AKT3: variants seen among roughly 807,000 people sequenced by gnomAD.
AKT3 encodes the protein AKT serine/threonine kinase 3.
A neutral mutation model predicts 65.3 loss-of-function variants in AKT3; 15 were observed. That is an observed-to-expected ratio of 0.23 (90% CI 0.15 to 0.35). The LOEUF is 0.35. AKT3 is among the 10% of genes least tolerant of loss of function. The pLI, the probability that AKT3 is intolerant of heterozygous loss-of-function variation, is 1.00. For missense variants in AKT3, 243 were observed against 576.5 expected (o/e 0.42, Z 5.92); for synonymous variants, 206 against 183.8 (o/e 1.12, Z -0.98).
At chr1:243,641,063 C>G (rs1002934771) in intron 5 of AKT3, among the ~76,000 whole-genome samples, 4 of 151,982 alleles carry the variant, frequency 2.6e-5, no homozygotes, top group Non-Finnish European at 4.4e-5. Context: ...CATGAAAAGG[C>G]TAGACTGGCT....
At chr1:243,488,259 G>A (rs1260146883) in exon 14 of AKT3, 1 of 152,430 alleles carries the variant, frequency 6.6e-6, no homozygotes, top group Non-Finnish European at 1.5e-5. Context: ...AATGCACCTT[G>A]AGCTTTAATG....
chr1:243,619,435 ACTAT>A (rs1678577545), intron 6 of AKT3, among the ~76,000 whole-genome samples: 1 of 102,894 alleles, frequency 9.7e-6, no homozygotes, highest in Non-Finnish European at 2.7e-5. Flanking sequence ...GCCCTACTGA[ACTAT>A]CTAACACTAG....
At chr1:243,788,937 G>A (rs1378991713) in intron 2 of AKT3, 1 of 154,954 alleles carries the variant, frequency 6.5e-6, no homozygotes, top group African/African-American at 2.4e-5. Flanking sequence ...CAAAATTTGA[G>A]TTAATCCTCT....
intron 2 of AKT3, among the ~76,000 whole-genome samples, chr1:243,728,097 TGACTA>T (rs543628165): frequency 3.9e-5 from 6 of 152,170 alleles, no homozygotes; most frequent in Non-Finnish European, 7.4e-5. Context: ...TAACATGACT[TGACTA>T]TTCAGGGAGA....
At chr1:243,489,274 A>G (rs1574374840) in intron 13 of AKT3, 16 of 1,243,744 alleles carry the variant, frequency 1.3e-5, no homozygotes, top group African/African-American at 4.5e-5. Flanking sequence ...GGTCCCGAAG[A>G]CTGTGCTGGG....
intron 2 of AKT3, among the ~76,000 whole-genome samples, chr1:243,760,761 T>G (rs1689443969): frequency 6.6e-6 from 1 of 152,154 alleles, no homozygotes; most frequent in Non-Finnish European, 1.5e-5. Context: ...TTAATGGCCC[T>G]CATGTATAGT....
Position 243,581,561 on chromosome 1 carries a change from T to C in AKT3, c.697-8513A>G, listed in dbSNP as rs114621025. ...AGGGAAAGGAGAAAAAAATATATAA[T>C]AACATTATAGGGAAAGAAAAAGAAA... On this transcript the variant is annotated intron_variant, in intron 8 of 13. Transcript: ENST00000673466. 5.8e-3 allele frequency among the ~76,000 whole-genome samples: 881 copies of C among 151,828 alleles called. 12 individuals are homozygous for C. Among genetic ancestry groups the C allele is most frequent in the African/African-American group, 0.02 (829 of 41,400 alleles).
chr1:243,613,697 C>G lies in AKT3; in HGVS notation c.670G>C (p.Val224Leu). The G allele has an allele frequency of 1.3e-6, 2 of 1,591,702 alleles. No homozygotes were observed. The highest frequency in any genetic ancestry group is 1.7e-6 in the Non-Finnish European group (2 of 1,167,882). The change falls in exon 8 of 14, where the codon GTG (valine) becomes CTG (leucine). Residue 224 changes from valine to leucine, a missense_variant. By Grantham distance (32) the Val-to-Leu change is conservative. Around this residue, in one of 6 missense-constraint regions of AKT3, gnomAD observed 61 missense variants for 163.3 expected, o/e 0.37. Transcript: ENST00000673466. ...TCGCCCCCATTAACATATTCCATCA[C>G]AAAACACAAACGGTCTTTTGTCTGG... Reference protein sequence around the residue: ...SFQTKDRLCFVMEYVNGGELF... With the variant: ...SFQTKDRLCFLMEYVNGGELF...
chr1:243,512,373 A>C lies in AKT3; in HGVS notation c.1305T>G (p.Phe435Leu). The C allele has an allele frequency of 1.3e-6, 2 of 1,591,716 alleles. No homozygotes were observed. The highest frequency in any genetic ancestry group is 1.7e-6 in the Non-Finnish European group (2 of 1,167,580). ...QVTSETDTRY[F>L]DEEFTAQTIT... ...TAGTCTGAGCTGTAAATTCTTCATCAAAATATCTAGTATCTGTCTCAGATG... is the reference window on the plus strand; with the variant it reads ...TAGTCTGAGCTGTAAATTCTTCATCCAAATATCTAGTATCTGTCTCAGATG... Residue 435 changes from phenylalanine (F) to leucine (L), a missense_variant, in exon 13 of 14, where the codon TTT (phenylalanine) becomes TTG (leucine). Phe to Leu is a conservative substitution (Grantham distance 22, BLOSUM62 0). Coordinates refer to ENST00000673466, the MANE Select transcript of AKT3 (RefSeq NM_005465.7).
chr1:243,703,535 C>T (rs915258232), intron 2 of AKT3, among the ~76,000 whole-genome samples: 1 of 151,854 alleles, frequency 6.6e-6, no homozygotes, highest in African/African-American at 2.4e-5. Context: ...CTGAGGCAGG[C>T]GGATCACTTG....
At chr1:243,740,305 CT>C in intron 2 of AKT3, among the ~76,000 whole-genome samples, 1 of 152,190 alleles carries the variant, frequency 6.6e-6, no homozygotes, top group East Asian at 1.9e-4. Context: ...TGTCAAGGGA[CT>C]TGTGAGAAAA....
chr1:243,556,440 T>A (rs561654730), intron 10 of AKT3, among the ~76,000 whole-genome samples: 1 of 151,994 alleles, frequency 6.6e-6, no homozygotes, highest in East Asian at 1.9e-4. Flanking sequence ...CCAGGAGGAT[T>A]TACTAGGAGG....
intron 3 of AKT3, among the ~76,000 whole-genome samples, chr1:243,672,087 G>C (rs546051488): frequency 6.6e-6 from 1 of 152,182 alleles, no homozygotes; most frequent in Non-Finnish European, 1.5e-5. Context: ...GTGTTTGAGC[G>C]GGAGAGGGCT....
chr1:243,636,753 G>C (rs1223480559), intron 6 of AKT3, among the ~76,000 whole-genome samples: 1 of 152,218 alleles, frequency 6.6e-6, no homozygotes, highest in African/African-American at 2.4e-5. Flanking sequence ...AAAAGTACTG[G>C]TTGTTAAAGA....
At chr1:243,599,048 G>T (rs997307985) in intron 8 of AKT3, among the ~76,000 whole-genome samples, 9 of 152,022 alleles carry the variant, frequency 5.9e-5, no homozygotes, top group African/African-American at 2.2e-4. Context: ...GATTTCATGG[G>T]TCAAAAGTTA....
intron 2 of AKT3, among the ~76,000 whole-genome samples, chr1:243,760,641 G>C (rs959898770): frequency 6.6e-6 from 1 of 152,042 alleles, no homozygotes; most frequent in Non-Finnish European, 1.5e-5. Context: ...GGCTGAACAA[G>C]GTGTCACTCA....
intron 6 of AKT3, among the ~76,000 whole-genome samples, chr1:243,629,670 T>G (rs1029725602): frequency 7.9e-5 from 12 of 152,064 alleles, no homozygotes; most frequent in African/African-American, 2.9e-4. Context: ...TGGGCACCTG[T>G]AGTCCCAGCT....
chr1:243,531,946 T>C (rs921128516), intron 12 of AKT3, among the ~76,000 whole-genome samples: 8 of 152,234 alleles, frequency 5.3e-5, no homozygotes, highest in Admixed American at 4.6e-4. Flanking sequence ...ATGTATTTTC[T>C]AGCTTGCTTT....
intron 6 of AKT3, among the ~76,000 whole-genome samples, chr1:243,620,774 A>C (rs1678690050): frequency 6.6e-6 from 1 of 152,056 alleles, no homozygotes; most frequent in Non-Finnish European, 1.5e-5. Context: ...TTTCTCGAGT[A>C]TTGTGTTTGA....
Sources: allele counts gnomAD v4.1 joint callset (sites outside exome capture counted in the v4.1 genomes callset), GRCh38; gene constraint gnomAD v4.1.1; regional missense constraint gnomAD v4.1.1; transcripts MANE v1.5; gene names NCBI Gene and HGNC (gene_info 2026-07-23, HGNC 2026-07-21).